EPB41L3: variants seen among roughly 807,000 people sequenced by gnomAD.
EPB41L3 encodes the protein band 4.1-like protein 3.
Under a neutral mutation model 127.1 loss-of-function variants are expected in EPB41L3, and 57 were observed. The observed-to-expected ratio is 0.45, with a 90% CI of 0.36 to 0.56. The LOEUF (loss-of-function observed/expected upper bound fraction) is 0.56. EPB41L3 is among the 20% of genes least tolerant of loss of function. The pLI, the probability that EPB41L3 is intolerant of heterozygous loss-of-function variation, is 0.00. For synonymous variants in EPB41L3, 572 were observed against 549.5 expected (o/e 1.04, Z -0.57); for missense variants, 1,273 against 1,372.2 (o/e 0.93, Z 1.14).
intron 14 of EPB41L3, among the ~76,000 whole-genome samples, chr18:5,408,188 C>T (rs1023310477): frequency 3.9e-5 from 6 of 152,084 alleles, no homozygotes; most frequent in Non-Finnish European, 7.4e-5. Context: ...GACCAGAGAA[C>T]CCATGCTCAA....
intron 16 of EPB41L3, among the ~76,000 whole-genome samples, chr18:5,405,485 G>A (rs558938998): frequency 6.6e-6 from 1 of 152,290 alleles, no homozygotes; most frequent in South Asian, 2.1e-4. Flanking sequence ...CACAATGGGA[G>A]CCCTGAAGTA....
Position 5,513,948 on chromosome 18 carries a change from C to A in EPB41L3, c.-11-24754G>T, listed in dbSNP as rs1815072. On this transcript the variant is annotated intron_variant, in intron 1 of 22. Transcript: ENST00000341928. ...ATGATAAAATATGATATAGCAAAGC[C>A]AAAGCTGCATTCTAAAACTTGAAGT... 1.3e-4 allele frequency among the ~76,000 whole-genome samples: 20 copies of A among 152,338 alleles called. No individual in the cohort carries two copies. The South Asian group carries it at 1.4e-3, about 11-fold the overall frequency.
At chr18:5,604,103 C>T (rs1050062156) in intron 3 of EPB41L3, among the ~76,000 whole-genome samples, 3 of 152,108 alleles carry the variant, frequency 2.0e-5, no homozygotes, top group Non-Finnish European at 2.9e-5. Flanking sequence ...GTAACTTCCA[C>T]TCAGCCAAGT....
intron 1 of EPB41L3, among the ~76,000 whole-genome samples, chr18:5,540,023 G>A (rs1265092413): frequency 6.6e-6 from 1 of 152,046 alleles, no homozygotes; most frequent in Non-Finnish European, 1.5e-5. Flanking sequence ...TCTTTAGAGA[G>A]ACCACATACT....
chr18:5,451,740 G>T (rs2082298944), intron 3 of EPB41L3, among the ~76,000 whole-genome samples: 1 of 152,220 alleles, frequency 6.6e-6, no homozygotes, highest in African/African-American at 2.4e-5. Context: ...TAAACTAGTG[G>T]TTTTCAACAG....
intron 1 of EPB41L3, among the ~76,000 whole-genome samples, chr18:5,517,539 C>T (rs1389696461): frequency 1.3e-5 from 2 of 152,036 alleles, no homozygotes; most frequent in Admixed American, 6.5e-5. Context: ...CAGGTTCAAG[C>T]GATTCTCCAC....
At chr18:5,575,813 G>A (rs552028962) in intron 3 of EPB41L3, among the ~76,000 whole-genome samples, 2 of 152,204 alleles carry the variant, frequency 1.3e-5, no homozygotes, top group South Asian at 2.1e-4. Flanking sequence ...CTGCAGCCTT[G>A]GTGACAGAGT....
chr18:5,537,748 G>A (rs1228101694), intron 1 of EPB41L3, among the ~76,000 whole-genome samples: 1 of 152,144 alleles, frequency 6.6e-6, no homozygotes, highest in African/African-American at 2.4e-5. Flanking sequence ...TATCTGGAAT[G>A]TCTTCTCAAT....
chr18:5,506,272 ACT>A (rs922714463), intron 1 of EPB41L3, among the ~76,000 whole-genome samples: 6 of 151,770 alleles, frequency 4.0e-5, no homozygotes, highest in African/African-American at 1.5e-4. Flanking sequence ...TCCTCCAATG[ACT>A]CTGCATTTCC....
Position 5,478,446 on chromosome 18 carries a change from G to A in EPB41L3, c.184-8C>T, listed in dbSNP as rs2087692223. 6.2e-7 allele frequency: 1 copy of A among 1,613,548 alleles called. No homozygotes were observed. The highest frequency in any genetic ancestry group is 1.7e-5 in the Admixed American group (1 of 60,002). ...CTGTTCCTTGTCAGTGACCTGTGAA[G>A]AGCAAACAATCAACAGTTTTCATTG... On this transcript the variant is annotated splice_region_variant and splice_polypyrimidine_tract_variant and intron_variant, in intron 2 of 22. Transcript: ENST00000341928.
At chr18:5,502,953 C>T (rs891967512) in intron 1 of EPB41L3, among the ~76,000 whole-genome samples, 3 of 152,044 alleles carry the variant, frequency 2.0e-5, no homozygotes, top group South Asian at 2.1e-4. Flanking sequence ...CAGATCAAGC[C>T]CACGGTTTTC....
intron 1 of EPB41L3, among the ~76,000 whole-genome samples, chr18:5,541,857 T>A (rs1167683891): frequency 6.6e-6 from 1 of 152,236 alleles, no homozygotes; most frequent in African/African-American, 2.4e-5. Flanking sequence ...CTACTCTTCT[T>A]GTTATGGATG....
intron 5 of EPB41L3, among the ~76,000 whole-genome samples, chr18:5,442,006 T>A (rs2080854833): frequency 6.6e-6 from 1 of 152,172 alleles, no homozygotes. Context: ...AGAAAATTAG[T>A]TTATACAGCC....
intron 6 of EPB41L3, among the ~76,000 whole-genome samples, chr18:5,436,562 C>A (rs993427978): frequency 6.6e-6 from 1 of 152,036 alleles, no homozygotes; most frequent in Non-Finnish European, 1.5e-5. Context: ...GCGCCCGCCA[C>A]GATGCCCGGC....
At chr18:5,417,197 A>G (rs1899312993) in intron 12 of EPB41L3, among the ~76,000 whole-genome samples, 3 of 152,232 alleles carry the variant, frequency 2.0e-5, no homozygotes. Context: ...AGAAAGATAT[A>G]ATTTCCCAGC....
chr18:5,416,839 C>A (rs921586732), intron 12 of EPB41L3, among the ~76,000 whole-genome samples: 3 of 151,904 alleles, frequency 2.0e-5, no homozygotes, highest in African/African-American at 7.3e-5. Flanking sequence ...GAAATCCAAT[C>A]CAGATTTTGA....
chr18:5,523,537 G>A lies in EPB41L3; in HGVS notation c.-12+20376C>T, dbSNP rs143334005. ...CTATTGGTCTGGTATGGTGGCTCAC[G>A]CCTGTTATCCCAGGACTTTGGGAAA... On this transcript the variant is annotated intron_variant, in intron 1 of 22. Transcript: ENST00000341928. 6.9e-3 allele frequency among the ~76,000 whole-genome samples: 1,052 copies of A among 152,162 alleles called. 15 individuals carry two copies. Among genetic ancestry groups the A allele is most frequent in the African/African-American group, 0.024 (1,015 of 41,516 alleles).
chr18:5,539,776 T>C (rs1353775000), intron 1 of EPB41L3: 1 of 152,228 alleles, frequency 6.6e-6, no homozygotes, highest in Admixed American at 6.5e-5. Context: ...TCAACACTAA[T>C]TTGGGTGAAA....
At chr18:5,406,042 T>C (rs567624328) in intron 16 of EPB41L3, among the ~76,000 whole-genome samples, 1 of 152,092 alleles carries the variant, frequency 6.6e-6, no homozygotes, top group Admixed American at 6.5e-5. Flanking sequence ...GTGGGAAAAC[T>C]TAAGTGGTCT....
Sources: allele counts gnomAD v4.1 joint callset (sites outside exome capture counted in the v4.1 genomes callset), GRCh38; gene constraint gnomAD v4.1.1; transcripts MANE v1.5; gene names NCBI Gene and HGNC (gene_info 2026-07-23, HGNC 2026-07-21).